The following FRMPD4 variants were observed in gnomAD, a reference collection of about 807,000 sequenced individuals.
FRMPD4 encodes FERM and PDZ domain-containing protein 4.
Under a neutral mutation model 94.1 loss-of-function variants are expected in FRMPD4, and 22 were observed. The ratio of observed to expected loss-of-function variants is 0.23; its 90% CI spans 0.17 to 0.33. FRMPD4 has a LOEUF of 0.33. Ranked by LOEUF, FRMPD4 falls within the 10% of genes least tolerant of loss-of-function variation. FRMPD4 has a pLI of 1.00. For missense variants in FRMPD4, 1,111 were observed against 1,339.9 expected (o/e 0.83, Z 2.67); for synonymous variants, 631 against 548.6 (o/e 1.15, Z -2.10).
At chrX:11,841,263 C>G (rs946846203) in intron 1 of FRMPD4, among the ~76,000 whole-genome samples, 9 of 109,908 alleles carry the variant, frequency 8.2e-5, no homozygotes, top group Non-Finnish European at 1.7e-4. Context: ...TATATACCCA[C>G]TAATGGGATG....
At chrX:12,126,602 T>A (rs775766070) in intron 3 of FRMPD4, among the ~76,000 whole-genome samples, 4 of 110,697 alleles carry the variant, frequency 3.6e-5, no homozygotes, top group South Asian at 7.9e-4. Flanking sequence ...GGGGAGGGAG[T>A]TTGATTTAAT....
chrX:11,927,639 G>A (rs1455097324), intron 3 of FRMPD4, among the ~76,000 whole-genome samples: 5 of 112,059 alleles, frequency 4.5e-5, no homozygotes, highest in African/African-American at 1.3e-4. Context: ...ACAAAAACAA[G>A]CAATGAGGAA....
intron 1 of FRMPD4, among the ~76,000 whole-genome samples, chrX:12,439,773 C>T (rs1248174724): frequency 8.9e-6 from 1 of 112,114 alleles, no homozygotes; most frequent in Non-Finnish European, 1.9e-5. Context: ...GAGCAATTCA[C>T]ATTTTCCTAT....
intron 1 of FRMPD4, among the ~76,000 whole-genome samples, chrX:11,846,838 C>A (rs1225702240): frequency 9.0e-6 from 1 of 110,857 alleles, no homozygotes. Flanking sequence ...ATGGAGAAAG[C>A]TAAAACTGGA....
intron 5 of FRMPD4, among the ~76,000 whole-genome samples, chrX:12,680,831 T>C (rs777350616): frequency 1.8e-5 from 2 of 110,604 alleles, no homozygotes; most frequent in Admixed American, 9.6e-5. Flanking sequence ...CATAAGGTTA[T>C]TTGCCCCTAA....
Position 12,225,255 on chromosome X carries a change from A to G in FRMPD4, c.41+86243A>G, listed in dbSNP as rs539704126. 1.5e-4 allele frequency among the ~76,000 whole-genome samples: 17 copies of G among 112,410 alleles called. No homozygotes were observed. In the South Asian group the frequency reaches 3.7e-3, roughly 24 times the overall value. ...GTAAACATTTGATGGAAGGAATAAA[A>G]TGTTACTTGCACGTAAATCTTTTTT... On this transcript the variant is annotated intron_variant, in intron 1 of 16. Transcript: ENST00000675598.
At chrX:12,478,544 C>T (rs1275693230) in intron 1 of FRMPD4, among the ~76,000 whole-genome samples, 3 of 112,233 alleles carry the variant, frequency 2.7e-5, no homozygotes, top group African/African-American at 9.7e-5. Context: ...GATCACACCA[C>T]TGCTCTCCAG....
At chrX:11,870,467 AGTGACATGGC>A (rs943130708) in intron 2 of FRMPD4, among the ~76,000 whole-genome samples, 3 of 111,772 alleles carry the variant, frequency 2.7e-5, no homozygotes, top group African/African-American at 9.8e-5. Flanking sequence ...TGAAAAGGGC[AGTGACATGGC>A]GCTAGGGCAG....
chrX:11,846,221 T>C (rs1299777795), intron 1 of FRMPD4, among the ~76,000 whole-genome samples: 1 of 107,708 alleles, frequency 9.3e-6, no homozygotes, highest in Non-Finnish European at 1.9e-5. Context: ...TCACAAGCAT[T>C]CTTATACACC....
intron 3 of FRMPD4, among the ~76,000 whole-genome samples, chrX:12,072,543 G>T (rs777492097): frequency 1.7e-3 from 191 of 111,896 alleles, no homozygotes; most frequent in African/African-American, 4.6e-3. Flanking sequence ...CAACATTTCA[G>T]AGTTGACACT....
At chrX:12,452,219 CCA>C (rs2057280987) in intron 1 of FRMPD4, among the ~76,000 whole-genome samples, 1 of 111,186 alleles carries the variant, frequency 9.0e-6, no homozygotes, top group Admixed American at 9.5e-5. Flanking sequence ...TTTGAATCTC[CCA>C]TTTAAATTGT....
intron 3 of FRMPD4, among the ~76,000 whole-genome samples, chrX:12,024,664 C>T (rs1205701776): frequency 8.9e-6 from 1 of 112,048 alleles, no homozygotes; most frequent in Non-Finnish European, 1.9e-5. Flanking sequence ...TACCCCCTCC[C>T]CAGAGGTAAC....
rs768600092 is a variant in FRMPD4 at position 12,582,929 on chromosome X, G to A, written c.159-26792G>A. Among the ~76,000 whole-genome samples, 3 of 111,839 alleles carry A rather than the reference G, an allele frequency of 2.7e-5. No homozygotes were observed. The East Asian group carries it at 8.4e-4, about 31-fold the overall frequency. The stretch of plus-strand genomic sequence containing the variant: ...TTTAACTGGATTCTTACTACTTCCC[G>A]GTTGCAAAAGTCACTCATTGCTCTT... On this transcript the variant is annotated intron_variant, in intron 2 of 16. Transcript: ENST00000675598.
chrX:12,070,830 A>G (rs1369390258), intron 3 of FRMPD4, among the ~76,000 whole-genome samples: 1 of 112,423 alleles, frequency 8.9e-6, no homozygotes, highest in Non-Finnish European at 1.9e-5. Flanking sequence ...GATGAGCTCC[A>G]ATTGAACTAA....
chrX:12,347,684 A>T (rs2055736045), intron 1 of FRMPD4, among the ~76,000 whole-genome samples: 1 of 111,836 alleles, frequency 8.9e-6, no homozygotes, highest in Middle Eastern at 4.4e-3. Context: ...ACTCATTCTA[A>T]TTATTTCATA....
chrX:12,448,576 C>T (rs1447699170), intron 1 of FRMPD4, among the ~76,000 whole-genome samples: 1 of 112,058 alleles, frequency 8.9e-6, no homozygotes, highest in Non-Finnish European at 1.9e-5. Context: ...AATAACATTC[C>T]TGGCATATGC....
intron 1 of FRMPD4, among the ~76,000 whole-genome samples, chrX:12,442,331 A>G (rs1324589464): frequency 4.5e-5 from 5 of 111,203 alleles, no homozygotes; most frequent in Non-Finnish European, 9.4e-5. Context: ...CAGGATAACT[A>G]TGAACACTGC....
chrX:11,822,899 T>G (rs908162619), intron 1 of FRMPD4, among the ~76,000 whole-genome samples: 1 of 112,281 alleles, frequency 8.9e-6, no homozygotes, highest in Non-Finnish European at 1.9e-5. Flanking sequence ...TTATTTCTGG[T>G]TCTTCCTTTA....
intron 3 of FRMPD4, among the ~76,000 whole-genome samples, chrX:11,935,338 G>C (rs1265911965): frequency 2.7e-4 from 4 of 14,847 alleles, no homozygotes; most frequent in African/African-American, 1.0e-3. Context: ...CATTGTGCAG[G>C]TTAGTTACAT....
Sources: allele counts gnomAD v4.1 joint callset (sites outside exome capture counted in the v4.1 genomes callset), GRCh38; gene constraint gnomAD v4.1.1; transcripts MANE v1.5; gene names NCBI Gene and HGNC (gene_info 2026-07-23, HGNC 2026-07-21).